The following CTDSPL variants were observed in gnomAD, a reference collection of about 807,000 sequenced individuals.
The protein encoded by CTDSPL is CTD small phosphatase like.
A neutral mutation model predicts 30.5 loss-of-function variants in CTDSPL; 8 were observed. The ratio of observed to expected loss-of-function variants is 0.26; its 90% CI spans 0.15 to 0.47. The LOEUF is 0.47. Ranked by LOEUF, CTDSPL falls within the 20% of genes least tolerant of loss-of-function variation. The pLI is 0.99. For missense variants in CTDSPL, 248 were observed against 366.1 expected (o/e 0.68, Z 2.63); for synonymous variants, 110 against 137.9 (o/e 0.80, Z 1.42).
intron 1 of CTDSPL, among the ~76,000 whole-genome samples, chr3:37,883,171 A>G (rs1007091950): frequency 2.0e-5 from 3 of 151,378 alleles, no homozygotes; most frequent in African/African-American, 7.3e-5. Flanking sequence ...GTGAAATGGA[A>G]TATTAAGAAG....
At chr3:37,906,973 G>A (rs1168933517) in intron 1 of CTDSPL, among the ~76,000 whole-genome samples, 1 of 152,218 alleles carries the variant, frequency 6.6e-6, no homozygotes, top group Non-Finnish European at 1.5e-5. Flanking sequence ...ACTAAAGAGA[G>A]TTACAGTCAT....
At chr3:37,956,554 G>A (rs1699175692) in intron 2 of CTDSPL, among the ~76,000 whole-genome samples, 1 of 152,170 alleles carries the variant, frequency 6.6e-6, no homozygotes, top group Non-Finnish European at 1.5e-5. Flanking sequence ...AATACAGATT[G>A]TGTTTCCCTT....
intron 1 of CTDSPL, among the ~76,000 whole-genome samples, chr3:37,905,914 A>G (rs1286219411): frequency 1.5e-4 from 23 of 152,216 alleles, no homozygotes; most frequent in Non-Finnish European, 3.4e-4. Context: ...CTCAAATCCA[A>G]TGAAGAGGAG....
chr3:37,971,616 C>T, intron 6 of CTDSPL, 117 bp downstream of exon 6: 2 of 862,192 alleles, frequency 2.3e-6, no homozygotes, highest in African/African-American at 1.7e-5. Context: ...TCTATGGTGA[C>T]AGGTTCCCAC....
chr3:37,972,767 A>G (rs936879608), intron 6 of CTDSPL, among the ~76,000 whole-genome samples: 4 of 151,996 alleles, frequency 2.6e-5, no homozygotes, highest in South Asian at 4.1e-4. Context: ...CCATTTCCCA[A>G]ACTCTGACTC....
chr3:37,925,929 A>G (rs1007102240), intron 1 of CTDSPL, among the ~76,000 whole-genome samples: 15 of 152,102 alleles, frequency 9.9e-5, no homozygotes, highest in Non-Finnish European at 1.8e-4. Flanking sequence ...GACGTACTCT[A>G]TATTTTACAT....
At chr3:37,896,168 C>T (rs1698387965) in intron 1 of CTDSPL, among the ~76,000 whole-genome samples, 1 of 152,174 alleles carries the variant, frequency 6.6e-6, no homozygotes, top group South Asian at 2.1e-4. Context: ...TGGAAACTTG[C>T]AGCCTAACGA....
At chr3:37,940,217 G>T (rs1203652623) in intron 1 of CTDSPL, among the ~76,000 whole-genome samples, 1 of 150,568 alleles carries the variant, frequency 6.6e-6, no homozygotes, top group African/African-American at 2.4e-5. Flanking sequence ...TATACCAGAA[G>T]TACATATTCA....
chr3:37,915,301 T>C (rs1259376801), intron 1 of CTDSPL, among the ~76,000 whole-genome samples: 2 of 152,170 alleles, frequency 1.3e-5, no homozygotes, highest in African/African-American at 2.4e-5. Context: ...TTTATTTTTA[T>C]TTATCTATTT....
intron 1 of CTDSPL, among the ~76,000 whole-genome samples, chr3:37,868,712 C>CAT (rs1698040202): frequency 6.6e-6 from 1 of 151,988 alleles, no homozygotes; most frequent in Non-Finnish European, 1.5e-5. Context: ...ATTAGTTGGG[C>CAT]ATATTTATGT....
intron 1 of CTDSPL, among the ~76,000 whole-genome samples, chr3:37,904,800 G>T (rs1482942723): frequency 3.3e-5 from 5 of 152,208 alleles, no homozygotes; most frequent in Non-Finnish European, 5.9e-5. Context: ...ATCTGGGAAA[G>T]TCATTTTGCT....
At chr3:37,889,973 AT>A (rs1698306267) in intron 1 of CTDSPL, among the ~76,000 whole-genome samples, 1 of 152,306 alleles carries the variant, frequency 6.6e-6, no homozygotes, top group Non-Finnish European at 1.5e-5. Context: ...CTTCCTGCGG[AT>A]TTTTTTCTAG....
intron 1 of CTDSPL, among the ~76,000 whole-genome samples, chr3:37,876,523 G>T (rs1007559378): frequency 6.6e-6 from 1 of 152,060 alleles, no homozygotes; most frequent in African/African-American, 2.4e-5. Flanking sequence ...GGTATTTAGT[G>T]GTATCTCATC....
At chr3:37,957,079 C>A in intron 2 of CTDSPL, 32 bp from the exon 3 acceptor site, 1 of 1,586,176 alleles carries the variant, frequency 6.3e-7, no homozygotes, top group Non-Finnish European at 8.6e-7. Flanking sequence ...CTCTTCGAAC[C>A]TGACAATGAT....
intron 6 of CTDSPL, among the ~76,000 whole-genome samples, chr3:37,973,027 TC>T (rs1025116416): frequency 6.6e-6 from 1 of 152,188 alleles, no homozygotes; most frequent in African/African-American, 2.4e-5. Flanking sequence ...GTTGGGTCCA[TC>T]TCTGTGATGA....
rs559254733 is a variant in CTDSPL, at chr3:37,914,734, T to C, written c.80-32323T>C. Among the ~76,000 whole-genome samples the C allele has an allele frequency of 5.9e-5, 9 of 152,278 alleles. 1 individual carries two copies. Among genetic ancestry groups the C allele is most frequent in the Admixed American group, 4.6e-4 (7 of 15,300 alleles). On this transcript the variant is annotated intron_variant, in intron 1 of 7. Coordinates refer to ENST00000273179, the MANE Select transcript of CTDSPL (RefSeq NM_001008392.2). ...TTCGAGGCTTTGCTCCTAAGAAGGA[T>C]TTTTTACTATAATTTCACTTTTTGA...
At chr3:37,969,642 G>A (rs1337921197) in intron 5 of CTDSPL, among the ~76,000 whole-genome samples, 1 of 152,202 alleles carries the variant, frequency 6.6e-6, no homozygotes, top group Non-Finnish European at 1.5e-5. Flanking sequence ...CCGTTTGCTG[G>A]CAACGAGGAG....
chr3:37,912,787 CTA>C (rs1368673966), intron 1 of CTDSPL, among the ~76,000 whole-genome samples: 1 of 152,212 alleles, frequency 6.6e-6, no homozygotes, highest in Non-Finnish European at 1.5e-5. Flanking sequence ...CCTCACAAGT[CTA>C]GTTTGCTGTT....
At chr3:37,906,425 A>G (rs941617547) in intron 1 of CTDSPL, among the ~76,000 whole-genome samples, 3 of 152,122 alleles carry the variant, frequency 2.0e-5, no homozygotes, top group African/African-American at 7.2e-5. Flanking sequence ...CCCTTATTAA[A>G]GTCTCCTCAG....
Sources: allele counts gnomAD v4.1 joint callset (sites outside exome capture counted in the v4.1 genomes callset), GRCh38; gene constraint gnomAD v4.1.1; transcripts MANE v1.5; gene names NCBI Gene and HGNC (gene_info 2026-07-23, HGNC 2026-07-21).